The following KCNA6 variants were observed in gnomAD, a reference collection of about 807,000 sequenced individuals.
KCNA6 encodes potassium voltage-gated channel subfamily A member 6.
A neutral mutation model predicts 29.5 loss-of-function variants in KCNA6; 17 were observed. The observed-to-expected ratio is 0.58, with a 90% CI of 0.39 to 0.86. The LOEUF (loss-of-function observed/expected upper bound fraction) is 0.86. Ranked by LOEUF, KCNA6 falls within the 40% of genes least tolerant of loss-of-function variation. KCNA6 has a pLI of 0.00. For missense variants in KCNA6, 450 were observed against 703.4 expected (o/e 0.64, Z 4.07); for synonymous variants, 296 against 304.7 (o/e 0.97, Z 0.30).
chr12:4,827,871 A>G, the KCNA6 span, among the ~76,000 whole-genome samples: 12 of 152,344 alleles, frequency 7.9e-5, no homozygotes, highest in Admixed American at 7.2e-4. Context: ...GAAGCCTCAC[A>G]GTCCCTGGAC....
At chr12:4,835,472 T>A in the KCNA6 span, among the ~76,000 whole-genome samples, 1 of 152,154 alleles carries the variant, frequency 6.6e-6, no homozygotes, top group Non-Finnish European at 1.5e-5. Flanking sequence ...TCTTTCCTTT[T>A]TTTTCCTCCA....
chr12:4,825,617 T>C, the KCNA6 span, among the ~76,000 whole-genome samples: 1 of 152,222 alleles, frequency 6.6e-6, no homozygotes, highest in Non-Finnish European at 1.5e-5. Context: ...ATCAACCTTC[T>C]TAAAGTTCTT....
the KCNA6 span, among the ~76,000 whole-genome samples, chr12:4,836,031 C>T: frequency 6.6e-6 from 1 of 151,630 alleles, no homozygotes; most frequent in African/African-American, 2.4e-5. Context: ...CCTCCACCTC[C>T]TGGGTTCAAG....
chr12:4,838,799 T>C, the KCNA6 span, among the ~76,000 whole-genome samples: 1 of 145,156 alleles, frequency 6.9e-6, no homozygotes, highest in African/African-American at 2.5e-5. Flanking sequence ...GCCTTTCCTC[T>C]GTGCACAGAG....
chr12:4,816,663 A>T (rs986372741), downstream of KCNA6, among the ~76,000 whole-genome samples: 2 of 151,814 alleles, frequency 1.3e-5, no homozygotes, highest in African/African-American at 4.8e-5. Flanking sequence ...ATTTTTTGAA[A>T]TTTTTTTTGT....
the KCNA6 span, among the ~76,000 whole-genome samples, chr12:4,820,966 G>A: frequency 6.6e-6 from 1 of 152,186 alleles, no homozygotes; most frequent in South Asian, 2.1e-4. Flanking sequence ...GAAGTCAAGG[G>A]GTTATCTGAG....
the KCNA6 span, among the ~76,000 whole-genome samples, chr12:4,841,324 A>G: frequency 3.9e-5 from 6 of 152,218 alleles, no homozygotes; most frequent in Non-Finnish European, 7.3e-5. Context: ...ATTATAAAAT[A>G]AATAATAAAG....
downstream of KCNA6, among the ~76,000 whole-genome samples, chr12:4,816,710 C>T (rs927649642): frequency 1.3e-5 from 2 of 152,124 alleles, no homozygotes; most frequent in African/African-American, 2.4e-5. Flanking sequence ...GGCCCCCTAC[C>T]TACAGTCCCT....
At chr12:4,815,712 G>A (rs375664827), downstream of KCNA6, among the ~76,000 whole-genome samples, 2 of 152,106 alleles carry the variant, frequency 1.3e-5, no homozygotes, top group Non-Finnish European at 1.5e-5. Context: ...TGTCTCTCTC[G>A]GGTACTGAAG....
chr12:4,833,697 C>A, the KCNA6 span, among the ~76,000 whole-genome samples: 7 of 152,162 alleles, frequency 4.6e-5, no homozygotes, highest in Non-Finnish European at 2.9e-5. Flanking sequence ...AGCATCATGT[C>A]CTCACACAAC....
At chr12:4,843,080 A>T in the KCNA6 span, among the ~76,000 whole-genome samples, 15 of 152,210 alleles carry the variant, frequency 9.9e-5, no homozygotes, top group Admixed American at 9.8e-4. Context: ...AGGCATTAAT[A>T]ATACAAAATA....
Position 4,811,094 on chromosome 12 carries a change from C to T in KCNA6, c.1053C>T (p.Arg351=), listed in dbSNP as rs1946626372. The change falls in exon 1 of 1, where the codon CGC becomes CGT. Residue 351 remains arginine, a synonymous_variant. Coordinates refer to ENST00000280684, the Ensembl canonical transcript of KCNA6. This position sits in a 1 kb window ranked among gnomAD's most constrained non-coding sequence, Gnocchi z 7.1. ...TCATCCGCCTGGTCCGGGTGTTCCGCATCTTCAAGCTCTCCCGCCACTCCA... is the reference window on the plus strand; with the variant it reads ...TCATCCGCCTGGTCCGGGTGTTCCGTATCTTCAAGCTCTCCCGCCACTCCA... 1 of 1,613,292 alleles carries T rather than the reference C, an allele frequency of 6.2e-7. No homozygotes were observed. The highest frequency in any genetic ancestry group is 1.3e-5 in the African/African-American group (1 of 74,898).
chr12:4,841,677 G>T, the KCNA6 span, among the ~76,000 whole-genome samples: 1 of 152,172 alleles, frequency 6.6e-6, no homozygotes, highest in African/African-American at 2.4e-5. Context: ...TACAACACAT[G>T]ATCTTTTGCA....
chr12:4,841,566 C>CA, the KCNA6 span, among the ~76,000 whole-genome samples: 1 of 152,112 alleles, frequency 6.6e-6, no homozygotes, highest in East Asian at 1.9e-4. Flanking sequence ...ATTTAAAGAT[C>CA]ATGTGTGAAG....
the KCNA6 span, among the ~76,000 whole-genome samples, chr12:4,825,291 A>G: frequency 2.6e-5 from 4 of 152,236 alleles, no homozygotes; most frequent in East Asian, 1.9e-4. Flanking sequence ...CCCAGGCACT[A>G]TGTTTCAGAA....
At chr12:4,823,651 C>T in the KCNA6 span, among the ~76,000 whole-genome samples, 4 of 152,048 alleles carry the variant, frequency 2.6e-5, no homozygotes, top group African/African-American at 9.7e-5. Context: ...TCTGTAATCT[C>T]GGCTACCCTG....
the KCNA6 span, among the ~76,000 whole-genome samples, chr12:4,849,516 T>TA: frequency 2.0e-5 from 2 of 101,266 alleles, no homozygotes; most frequent in African/African-American, 7.4e-5. Context: ...TTTTTTTTTT[T>TA]ACCACTTTGC....
the KCNA6 span, among the ~76,000 whole-genome samples, chr12:4,821,861 A>G: frequency 2.0e-5 from 3 of 151,690 alleles, no homozygotes; most frequent in Non-Finnish European, 4.4e-5. Flanking sequence ...TTTTAGATGG[A>G]GTTTCGCTCT....
the KCNA6 span, among the ~76,000 whole-genome samples, chr12:4,835,341 A>C: frequency 6.6e-6 from 1 of 152,034 alleles, no homozygotes; most frequent in Non-Finnish European, 1.5e-5. Context: ...TCACCGTGTT[A>C]GCCAGGATGG....
Sources: allele counts gnomAD v4.1 joint callset (sites outside exome capture counted in the v4.1 genomes callset), GRCh38; gene constraint gnomAD v4.1.1; non-coding constraint Gnocchi (gnomAD v3.1); transcripts MANE v1.5; gene names NCBI Gene and HGNC (gene_info 2026-07-23, HGNC 2026-07-21).